DOCK10: variants seen among roughly 807,000 people sequenced by gnomAD.
The protein encoded by DOCK10 is dedicator of cytokinesis protein 10.
A neutral mutation model predicts 280.1 loss-of-function variants in DOCK10; 145 were observed. The observed-to-expected ratio is 0.52, with a 90% CI of 0.45 to 0.59. DOCK10 has a LOEUF of 0.59. Among genes scored for constraint, DOCK10 ranks in the 20% least tolerant of loss-of-function variants. The pLI is 0.00. For synonymous variants in DOCK10, 915 were observed against 942.2 expected (o/e 0.97, Z 0.53); for missense variants, 2,368 against 2,651.7 (o/e 0.89, Z 2.35).
intron 1 of DOCK10, among the ~76,000 whole-genome samples, chr2:225,011,222 G>T (rs1423009287): frequency 6.6e-6 from 1 of 152,184 alleles, no homozygotes; most frequent in African/African-American, 2.4e-5. Flanking sequence ...AGGCAATGTC[G>T]CAGTAGTTGC....
chr2:225,042,338 G>C lies in DOCK10; in HGVS notation c.37C>G (p.Leu13Val). The C allele has an allele frequency of 1.5e-6, 2 of 1,324,348 alleles. No homozygotes were observed. The highest frequency in any genetic ancestry group is 1.9e-6 in the Non-Finnish European group (2 of 1,034,816). The allele number at this position is 1,324,348 out of a possible 1,614,324, so 82.0% of individuals were successfully genotyped here. A position where few individuals can be genotyped will look rare whatever the true frequency, so the allele number is the denominator to read the frequency against. The change falls in exon 1 of 56, where the codon CTG becomes GTG. Residue 13 changes from leucine (L) to valine (V), a missense_variant. Physicochemically the swap from Leu to Val is conservative, Grantham distance 32. Coordinates refer to ENST00000258390, the MANE Select transcript of DOCK10 (RefSeq NM_014689.3). This position sits in a 1 kb window ranked among gnomAD's most constrained non-coding sequence, Gnocchi z 5.1. ...TCGGCCGCCTGCCCAGGTCTCAACA[G>C]GCTCCGGGTGAACCTGCGGGTCCGC... ...GERTRRFTRS[L>V]LRPGQAAELR...
intron 1 of DOCK10, among the ~76,000 whole-genome samples, chr2:224,960,603 C>A (rs191252807): frequency 5.6e-4 from 85 of 152,162 alleles, no homozygotes; most frequent in Non-Finnish European, 3.2e-4. Flanking sequence ...CTTCTAAATA[C>A]CCTTCCATGC....
At chr2:224,782,221 C>T (rs1468999572) in intron 50 of DOCK10, among the ~76,000 whole-genome samples, 1 of 152,142 alleles carries the variant, frequency 6.6e-6, no homozygotes, top group African/African-American at 2.4e-5. Flanking sequence ...CATACTACGC[C>T]TGCACCTTCC....
intron 3 of DOCK10, among the ~76,000 whole-genome samples, chr2:224,911,329 G>C (rs1316915887): frequency 6.6e-6 from 1 of 152,084 alleles, no homozygotes; most frequent in Admixed American, 6.6e-5. Context: ...AGAGAACTAC[G>C]GATAGATGAA....
intron 31 of DOCK10, among the ~76,000 whole-genome samples, chr2:224,812,966 T>C (rs1693884679): frequency 6.6e-6 from 1 of 152,168 alleles, no homozygotes; most frequent in Non-Finnish European, 1.5e-5. Flanking sequence ...GTTGTGTCTC[T>C]GCTAGGCTTT....
At chr2:224,944,235 A>T (rs980778119) in intron 1 of DOCK10, among the ~76,000 whole-genome samples, 8 of 152,228 alleles carry the variant, frequency 5.3e-5, no homozygotes. Context: ...AGCTTAATGC[A>T]GTTCAGAAGT....
chr2:224,889,119 G>GAATCTGACT (rs1468300292), intron 4 of DOCK10, among the ~76,000 whole-genome samples: 1 of 152,210 alleles, frequency 6.6e-6, no homozygotes, highest in Non-Finnish European at 1.5e-5. Context: ...AGCAACCTCT[G>GAATCTGACT]AATCTGACTA....
intron 12 of DOCK10, 41 bp from the exon 13 acceptor site, chr2:224,864,716 A>G (rs1416407055): frequency 6.3e-7 from 1 of 1,581,678 alleles, no homozygotes; most frequent in East Asian, 2.2e-5. Flanking sequence ...GGAAGAAACC[A>G]CATTGTAGAC....
In DOCK10 at chr2:225,042,133, G is replaced by C. The variant is rs1690449404; in HGVS notation, c.123+119C>G. On this transcript the variant is annotated intron_variant, in intron 1 of 55. Transcript: ENST00000258390. The surrounding 1 kb of genome is among the most constrained non-coding windows in gnomAD (Gnocchi z 5.1). Reference sequence around the variant, plus strand: ...CAGAGGCGGCGGGGGAGGGAGTGCGGAGGAGAGGACCCGTGAGCTGCGGGG... The same window carrying C: ...CAGAGGCGGCGGGGGAGGGAGTGCGCAGGAGAGGACCCGTGAGCTGCGGGG... The C allele has an allele frequency of 8.9e-7, 1 of 1,128,546 alleles. No homozygotes were observed. Among genetic ancestry groups the C allele is most frequent in the African/African-American group, 1.6e-5 (1 of 61,840 alleles). 69.9% of individuals were successfully genotyped at this position (1,128,546 alleles called of 1,614,324 possible).
At chr2:224,911,021 A>G (rs1052587177) in intron 3 of DOCK10, among the ~76,000 whole-genome samples, 3 of 151,836 alleles carry the variant, frequency 2.0e-5, no homozygotes, top group East Asian at 3.9e-4. Context: ...AAAAAATATG[A>G]TAAGAAGATT....
chr2:224,839,352 C>T (rs536846954), intron 24 of DOCK10, among the ~76,000 whole-genome samples: 66 of 151,914 alleles, frequency 4.3e-4, no homozygotes, highest in South Asian at 8.3e-4. Context: ...TGTGATCCAC[C>T]GGCCTCGGCC....
intron 22 of DOCK10, among the ~76,000 whole-genome samples, chr2:224,844,275 C>T (rs908255288): frequency 5.9e-5 from 9 of 152,098 alleles, no homozygotes; most frequent in Non-Finnish European, 1.3e-4. Flanking sequence ...GGATTACAGG[C>T]ATGCGTCACC....
intron 1 of DOCK10, among the ~76,000 whole-genome samples, chr2:225,001,420 G>C (rs1385519199): frequency 6.6e-6 from 1 of 150,922 alleles, no homozygotes; most frequent in South Asian, 2.1e-4. Context: ...CTCCCAAGTA[G>C]CTGGGACTAC....
At chr2:224,931,330 C>T (rs371533168) in intron 2 of DOCK10, among the ~76,000 whole-genome samples, 51 of 152,322 alleles carry the variant, frequency 3.3e-4, no homozygotes, top group African/African-American at 1.1e-3. Flanking sequence ...CCTGGGCCTC[C>T]TCCCAGTCCC....
chr2:225,031,609 T>A (rs1690079615), intron 1 of DOCK10, among the ~76,000 whole-genome samples: 1 of 152,188 alleles, frequency 6.6e-6, no homozygotes, highest in African/African-American at 2.4e-5. Flanking sequence ...AACGAGAGGT[T>A]CCTGCTGCTT....
chr2:224,820,465 TGA>T (rs778285866), intron 28 of DOCK10, among the ~76,000 whole-genome samples: 4 of 152,222 alleles, frequency 2.6e-5, no homozygotes, highest in African/African-American at 7.2e-5. Flanking sequence ...ACTTGGTGTG[TGA>T]GTCTCATTCT....
intron 1 of DOCK10, among the ~76,000 whole-genome samples, chr2:225,027,291 A>G (rs1689944901): frequency 6.6e-6 from 1 of 152,150 alleles, no homozygotes; most frequent in Admixed American, 6.5e-5. Context: ...TCATTCTGAG[A>G]TGTTCACGCC....
chr2:224,867,544 T>C (rs962671050), intron 11 of DOCK10, among the ~76,000 whole-genome samples: 7 of 152,138 alleles, frequency 4.6e-5, no homozygotes, highest in African/African-American at 1.4e-4. Context: ...ATGGGAAAGA[T>C]ATGGAAGATG....
chr2:224,806,302 T>C, intron 33 of DOCK10, 65 bp from the exon 34 acceptor site: 2 of 878,098 alleles, frequency 2.3e-6, no homozygotes, highest in Non-Finnish European at 3.5e-6. Context: ...AACCCACATA[T>C]GCCTTCTTCG....
Sources: gnomAD v4.1 joint callset for allele counts (sites outside exome capture counted in the v4.1 genomes callset) on GRCh38, gnomAD v4.1.1 for gene constraint, Gnocchi (gnomAD v3.1) non-coding constraint, MANE v1.5 for transcripts, NCBI Gene and HGNC (gene_info 2026-07-23, HGNC 2026-07-21) for gene names.